The following LAMA5 variants were observed in gnomAD, a reference collection of about 807,000 sequenced individuals.
The protein encoded by LAMA5 is laminin subunit alpha-5.
In LAMA5, 260 loss-of-function variants were observed where a neutral mutation model predicts 433.4. The ratio of observed to expected loss-of-function variants is 0.60; its 90% CI spans 0.54 to 0.66. LAMA5 has a LOEUF of 0.66. Ranked by LOEUF, LAMA5 falls within the 30% of genes least tolerant of loss-of-function variation. The pLI is 0.00. For synonymous variants in LAMA5, 2,620 were observed against 2,226.6 expected, an observed-to-expected ratio of 1.18 and a Z score of -4.97; for missense variants, 5,378 against 5,258.5, an observed-to-expected ratio of 1.02 and a Z score of -0.70.
chr20:62,323,950 CG>C, intron 43 of LAMA5, 94 bp from the exon 44 acceptor site: 2 of 1,443,766 alleles, frequency 1.4e-6, no homozygotes, highest in Non-Finnish European at 1.9e-6. Context: ...CGCCAGGCGT[CG>C]GGGGCCCAGA....
chr20:62,342,892 A>C (rs1982810370), intron 11 of LAMA5, among the ~76,000 whole-genome samples: 1 of 152,236 alleles, frequency 6.6e-6, no homozygotes, highest in African/African-American at 2.4e-5. Flanking sequence ...ATTGATGTTC[A>C]ACACTGTGTC....
At position 62,338,546 on chromosome 20, in the gene LAMA5, G is replaced by T. The variant is rs957412035; in HGVS notation, c.1540C>A (p.Arg514Ser). ...NACRKDPRVG[R>S]CLCKPNFQGT... Reference sequence around the variant, plus strand: ...TGGAAGTTGGGTTTGCACAGACAGCGTCCCACCCTTGGGTCCTTCCGGCAG... The same window carrying T: ...TGGAAGTTGGGTTTGCACAGACAGCTTCCCACCCTTGGGTCCTTCCGGCAG... The change falls in exon 12 of 80, where the codon CGC becomes AGC. Residue 514 changes from arginine to serine, a missense_variant. Arg to Ser is a moderately radical substitution (Grantham distance 110). Transcript: ENST00000252999. 1 of 1,610,942 alleles carries T rather than the reference G, an allele frequency of 6.2e-7. No individual in the cohort carries two copies. The highest frequency in any genetic ancestry group is 8.5e-7 in the Non-Finnish European group (1 of 1,179,400).
chr20:62,328,568 C>T, intron 34 of LAMA5, 123 bp from the exon 35 acceptor site: 1 of 1,068,640 alleles, frequency 9.4e-7, no homozygotes. Flanking sequence ...AACAGGGACC[C>T]CTGCCCCGGG....
At chr20:62,321,328 AGGAGGTGCAGCCAGT>A in intron 48 of LAMA5, among the ~76,000 whole-genome samples, 2 of 47,042 alleles carry the variant, frequency 4.3e-5, no homozygotes, top group Non-Finnish European at 7.6e-5. Flanking sequence ...GGGCCAGTGG[AGGAGGTGCAGCCAGT>A]GGAAGAGGTG....
At chr20:62,316,382 G>C (rs114397280) in intron 57 of LAMA5, 1 of 537,988 alleles carries the variant, frequency 1.9e-6, no homozygotes, top group East Asian at 3.0e-5. Flanking sequence ...TGTAGCCCTC[G>C]GGTCAGCAGA....
intron 11 of LAMA5, 24 bp from the exon 12 acceptor site, chr20:62,338,632 G>T: frequency 1.9e-6 from 3 of 1,597,730 alleles, no homozygotes; most frequent in Non-Finnish European, 2.6e-6. Flanking sequence ...ACAGGCAGGG[G>T]AGTCTCAGAT....
At chr20:62,356,665 C>G (rs1256081314) in intron 2 of LAMA5, among the ~76,000 whole-genome samples, 2 of 152,018 alleles carry the variant, frequency 1.3e-5, no homozygotes, top group African/African-American at 4.8e-5. Flanking sequence ...TGGGCAAGAG[C>G]CCCAGGAGTA....
At position 62,311,393 on chromosome 20, in the gene LAMA5, G is replaced by T; in HGVS notation, c.9942+8C>A. 2 of 1,551,744 alleles carry T rather than the reference G, an allele frequency of 1.3e-6. No homozygotes were observed. Among genetic ancestry groups the T allele is most frequent in the Non-Finnish European group, 1.7e-6 (2 of 1,146,878 alleles). On this transcript the variant is annotated splice_region_variant and intron_variant, in intron 72 of 79. Coordinates refer to ENST00000252999, the MANE Select transcript of LAMA5 (RefSeq NM_005560.6). The stretch of plus-strand genomic sequence containing the variant: ...CCAGCTCTGCCTGCTCACCCCTGGG[G>T]TGCCCACCTTCCGGGCGGTGGCCTG...
chr20:62,319,493 A>C (rs1241965336), intron 51 of LAMA5, among the ~76,000 whole-genome samples, 191 bp downstream of exon 51: 1 of 151,962 alleles, frequency 6.6e-6, no homozygotes, highest in Non-Finnish European at 1.5e-5. Context: ...TCCCGGGGCC[A>C]CCTGTCTGGC....
chr20:62,330,319 C>T (rs938043484), intron 31 of LAMA5, among the ~76,000 whole-genome samples, 169 bp downstream of exon 31: 37 of 152,206 alleles, frequency 2.4e-4, no homozygotes, highest in African/African-American at 8.0e-4. Context: ...GGAACGGGAG[C>T]GGGCGGGTAG....
chr20:62,330,535 G>T lies in LAMA5; in HGVS notation c.3932C>A (p.Pro1311His). The T allele has an allele frequency of 6.3e-7, 1 of 1,580,278 alleles. No individual in the cohort carries two copies. The highest frequency in any genetic ancestry group is 2.3e-5 in the East Asian group (1 of 43,742). ...FLLHGYQPAHPTFPVEVLINA... is the reference protein window; with the variant it reads ...FLLHGYQPAHHTFPVEVLINA... ...GATGAGGACTTCCACGGGGAAGGTG[G>T]GGTGGGCTGGCTGGTAGCCGTGCAG... Residue 1311 changes from proline (P) to histidine (H), a missense_variant, in exon 31 of 80, where the codon CCC becomes CAC. Pro to His is a moderately conservative substitution (Grantham distance 77). Transcript: ENST00000252999.
intron 18 of LAMA5, 89 bp downstream of exon 18, chr20:62,336,251 C>A: frequency 1.0e-6 from 1 of 967,614 alleles, no homozygotes. Flanking sequence ...CCTCCAGGAA[C>A]CCTGCACCCC....
In LAMA5 at chr20:62,313,330, G is replaced by A; in HGVS notation, c.8789C>T (p.Ala2930Val). 1.3e-6 allele frequency: 2 copies of A among 1,556,562 alleles called. No homozygotes were observed. Among genetic ancestry groups the A allele is most frequent in the Non-Finnish European group, 1.7e-6 (2 of 1,150,724 alleles). ...QLDTAVDRPC[A>V]RSKSTGDPWL... ...GGGGAGGGCAGGCCACACGCACCGG[G>A]CACAAGGCCTGTCCACAGCCGTGTC... The change falls in exon 64 of 80, where the codon GCC becomes GTC. Residue 2930 changes from alanine (A) to valine (V), a missense_variant. Ala to Val is a moderately conservative substitution (Grantham distance 64). Transcript: ENST00000252999.
rs1272644961 is a variant in LAMA5, at chr20:62,326,953, C to T, written c.5126G>A (p.Gly1709Asp). 3.1e-6 allele frequency: 5 copies of T among 1,607,842 alleles called. No homozygotes were observed. The highest frequency in any genetic ancestry group is 4.3e-6 in the Non-Finnish European group (5 of 1,176,268). Residue 1709 changes from glycine (G) to aspartate (D), a missense_variant, in exon 39 of 80, where the codon GGT becomes GAT. Coordinates refer to ENST00000252999, the MANE Select transcript of LAMA5 (RefSeq NM_005560.6). ...SYLGDRVSSY[G>D]GTLRYELHSE... ...GTGCAGTTCATAACGGAGGGTCCCACCGTAGGATGACACCTGGAGGCAGGA... is the reference window on the plus strand; with the variant it reads ...GTGCAGTTCATAACGGAGGGTCCCATCGTAGGATGACACCTGGAGGCAGGA...
At chr20:62,348,309 A>T (rs1366807855) in intron 6 of LAMA5, among the ~76,000 whole-genome samples, 1 of 152,240 alleles carries the variant, frequency 6.6e-6, no homozygotes, top group African/African-American at 2.4e-5. Context: ...GGTCATAAAG[A>T]AATCTAAAAC....
Position 62,333,601 on chromosome 20 carries a change from G to T in LAMA5, c.2984C>A (p.Thr995Asn). ...TTCGGCCTCCACACGCAGGGCCCAG[G>T]TGCCAGGGTTCAGCACAAAGGGCTC... ...FGEPFVLNPGTWALRVEAEGV... is the reference protein window; with the variant it reads ...FGEPFVLNPGNWALRVEAEGV... The change falls in exon 24 of 80, where the codon ACC (threonine) becomes AAC (asparagine). Residue 995 changes from threonine (T) to asparagine (N), a missense_variant. Physicochemically the swap from Thr to Asn is moderately conservative, Grantham distance 65 (BLOSUM62 0). Coordinates refer to ENST00000252999, the MANE Select transcript of LAMA5 (RefSeq NM_005560.6). 1 of 1,573,514 alleles carries T rather than the reference G, an allele frequency of 6.4e-7. No homozygotes were observed. The highest frequency in any genetic ancestry group is 8.6e-7 in the Non-Finnish European group (1 of 1,159,872).
chr20:62,319,728 T>C lies in LAMA5; in HGVS notation c.6827A>G (p.Lys2276Arg). 6.5e-7 allele frequency: 1 copy of C among 1,548,712 alleles called. No homozygotes were observed. The highest frequency in any genetic ancestry group is 8.7e-7 in the Non-Finnish European group (1 of 1,147,608). ...AGCCCGGATGGCCGCCAACAGCGTCTTCGCATGGCCCAGTGTGGCCTCGGT... is the reference window on the plus strand; with the variant it reads ...AGCCCGGATGGCCGCCAACAGCGTCCTCGCATGGCCCAGTGTGGCCTCGGT... ...AGTEATLGHA[K>R]TLLAAIRAVD... is the part of the protein sequence containing the mutation. Residue 2276 changes from lysine (K) to arginine (R), a missense_variant, in exon 51 of 80, where the codon AAG (lysine) becomes AGG (arginine). Physicochemically the swap from Lys to Arg is conservative, Grantham distance 26 (BLOSUM62 2). Coordinates refer to ENST00000252999, the MANE Select transcript of LAMA5 (RefSeq NM_005560.6).
chr20:62,343,434 A>C (rs557519194), intron 11 of LAMA5, among the ~76,000 whole-genome samples: 1 of 152,250 alleles, frequency 6.6e-6, no homozygotes. Context: ...CCCCCCCAAA[A>C]TAAGGGGCAA....
In LAMA5 at chr20:62,351,911, G is replaced by A. The variant is rs1477333118; in HGVS notation, c.856C>T (p.Arg286Trp). 8.7e-6 allele frequency: 14 copies of A among 1,600,532 alleles called. No homozygotes were observed. Among genetic ancestry groups the A allele is most frequent in the South Asian group, 1.1e-5 (1 of 89,504 alleles). Reference sequence around the variant, plus strand: ...CGCCTGCGCCATGGGCAGCTCACCCGGCGGGTGACCGTGGGGTCCCGCAGC... The same window carrying A: ...CGCCTGCGCCATGGGCAGCTCACCCAGCGGGTGACCGTGGGGTCCCGCAGC... The part of the protein sequence containing the change: ...KALRDPTVTR[R>W]YYYSIKDISI... The change falls in exon 5 of 80, where the codon CGG (arginine) becomes TGG (tryptophan). Residue 286 changes from arginine to tryptophan, a missense_variant and splice_region_variant. By Grantham distance (101) the Arg-to-Trp change is moderately radical. Coordinates refer to ENST00000252999, the MANE Select transcript of LAMA5 (RefSeq NM_005560.6).
Sources: gnomAD v4.1 joint callset for allele counts (sites outside exome capture counted in the v4.1 genomes callset) on GRCh38, gnomAD v4.1.1 for gene constraint, MANE v1.5 for transcripts, NCBI Gene and HGNC (gene_info 2026-07-23, HGNC 2026-07-21) for gene names.